Variants in CNIH3 observed in about 807,000 individuals in gnomAD.
CNIH3 encodes the protein protein cornichon homolog 3.
CNIH3 carries 14 observed loss-of-function variants against 24.1 expected under a neutral mutation model. That is an observed-to-expected ratio of 0.58 (90% CI 0.38 to 0.91). The LOEUF is 0.91. CNIH3 is among the 40% of genes least tolerant of loss of function. The pLI is 0.00. For missense variants in CNIH3, 178 were observed against 196.8 expected (o/e 0.90, Z 0.57); for synonymous variants, 68 against 73.8 (o/e 0.92, Z 0.40).
intron 1 of CNIH3, among the ~76,000 whole-genome samples, chr1:224,462,637 ATTT>A (rs34550181): frequency 3.4e-5 from 4 of 119,374 alleles, no homozygotes; most frequent in Admixed American, 2.0e-4. Context: ...TCTGGACCCA[ATTT>A]TTTTTTTTTT....
At chr1:224,714,769 C>T (rs1438956981) in intron 3 of CNIH3, among the ~76,000 whole-genome samples, 1 of 152,200 alleles carries the variant, frequency 6.6e-6, no homozygotes, top group African/African-American at 2.4e-5. Flanking sequence ...CATTATTGAA[C>T]ACCTACGCTA....
At chr1:224,450,045 T>G (rs1464205648) in intron 1 of CNIH3, among the ~76,000 whole-genome samples, 1 of 152,096 alleles carries the variant, frequency 6.6e-6, no homozygotes, top group Non-Finnish European at 1.5e-5. Flanking sequence ...CATATATGTA[T>G]ATATTATTGG....
At chr1:224,550,371 T>C (rs939804668) in intron 3 of CNIH3, among the ~76,000 whole-genome samples, 3 of 152,190 alleles carry the variant, frequency 2.0e-5, no homozygotes, top group African/African-American at 7.2e-5. Flanking sequence ...CTGGATATTA[T>C]AGAAATATCA....
At chr1:224,494,276 CGTGCTATCTA>C (rs1452963781) in intron 1 of CNIH3, among the ~76,000 whole-genome samples, 6 of 152,204 alleles carry the variant, frequency 3.9e-5, no homozygotes, top group African/African-American at 1.4e-4. Context: ...AGCCTCTCAA[CGTGCTATCTA>C]GTCCAAGGGA....
chr1:224,563,968 C>T (rs1425609025), intron 3 of CNIH3, among the ~76,000 whole-genome samples: 1 of 152,114 alleles, frequency 6.6e-6, no homozygotes, highest in Non-Finnish European at 1.5e-5. Context: ...GAATCTTAAA[C>T]AAAATCTATA....
intron 4 of CNIH3, among the ~76,000 whole-genome samples, chr1:224,731,823 G>A (rs1257452647): frequency 6.6e-6 from 1 of 152,242 alleles, no homozygotes; most frequent in Non-Finnish European, 1.5e-5. Context: ...CATGTGCAAA[G>A]GCCCAGAGTT....
intron 3 of CNIH3, among the ~76,000 whole-genome samples, chr1:224,715,819 C>T (rs993656964): frequency 6.6e-6 from 1 of 152,166 alleles, no homozygotes; most frequent in East Asian, 1.9e-4. Flanking sequence ...GGGATCCGCT[C>T]CCATGACCCA....
At chr1:224,709,771 G>C (rs1688033038) in intron 3 of CNIH3, among the ~76,000 whole-genome samples, 1 of 152,140 alleles carries the variant, frequency 6.6e-6, no homozygotes, top group African/African-American at 2.4e-5. Context: ...AAGAGGAAGA[G>C]AAGGGTTCAG....
At chr1:224,653,776 T>C (rs1414977918) in intron 1 of CNIH3, among the ~76,000 whole-genome samples, 3 of 152,228 alleles carry the variant, frequency 2.0e-5, no homozygotes, top group Non-Finnish European at 4.4e-5. Flanking sequence ...GGCCTTAGCC[T>C]CTCTTCCTTT....
chr1:224,481,588 C>T (rs552170941), intron 1 of CNIH3, among the ~76,000 whole-genome samples: 5 of 152,254 alleles, frequency 3.3e-5, no homozygotes, highest in Non-Finnish European at 7.4e-5. Context: ...TCTTCTCTTC[C>T]CTTAAATTCT....
rs1361787603 is a variant in CNIH3 at position 224,474,227 on chromosome 1, G to T, written n.203+39365G>T. On this transcript the variant is annotated intron_variant and non_coding_transcript_variant, in intron 1 of 5. Transcript: ENST00000471578. ...TAAAAATACAAAATTAGCTGGGCATGGTGGTGCATGCCTGTAGTCCCAGCT... is the reference window on the plus strand; with the variant it reads ...TAAAAATACAAAATTAGCTGGGCATTGTGGTGCATGCCTGTAGTCCCAGCT... Among the ~76,000 whole-genome samples the T allele has an allele frequency of 5.9e-5, 9 of 152,080 alleles. No homozygotes were observed. In the East Asian group the frequency reaches 1.7e-3, roughly 29 times the overall value.
Position 224,617,116 on chromosome 1 carries a change from G to T in CNIH3, c.-59G>T. On this transcript the variant is annotated 5_prime_UTR_variant, in exon 1 of 6. Coordinates refer to ENST00000272133, the MANE Select transcript of CNIH3 (RefSeq NM_152495.2). Reference sequence around the variant, plus strand: ...CTTGGAGGGAGTGCGGTCCTCTAGGGAGGCATCGGGCTCCTAGGGGCTTCT... The same window carrying T: ...CTTGGAGGGAGTGCGGTCCTCTAGGTAGGCATCGGGCTCCTAGGGGCTTCT... 6.2e-7 allele frequency: 1 copy of T among 1,601,618 alleles called. No individual in the cohort carries two copies. The highest frequency in any genetic ancestry group is 1.1e-5 in the South Asian group (1 of 88,762).
rs187153996 is a variant in CNIH3, at chr1:224,553,201, T to C, written n.450+6262T>C. On this transcript the variant is annotated intron_variant and non_coding_transcript_variant, in intron 3 of 5. Coordinates refer to the CNIH3 transcript ENST00000471578. Reference sequence around the variant, plus strand: ...ATATCATGAATAATATCACAGGGGGTATACCCCCTGTGATATTAGGAGCAA... The same window carrying C: ...ATATCATGAATAATATCACAGGGGGCATACCCCCTGTGATATTAGGAGCAA... Among the ~76,000 whole-genome samples the C allele has an allele frequency of 5.4e-5, 8 of 149,264 alleles. No individual in the cohort carries two copies. In the East Asian group the frequency reaches 1.2e-3, roughly 22 times the overall value.
chr1:224,563,120 C>A (rs1472588184), intron 3 of CNIH3, among the ~76,000 whole-genome samples: 1 of 152,152 alleles, frequency 6.6e-6, no homozygotes, highest in Non-Finnish European at 1.5e-5. Flanking sequence ...CAAGAATGTT[C>A]ATAGCATCAT....
intron 5 of CNIH3, among the ~76,000 whole-genome samples, chr1:224,737,939 G>A (rs2125251988): frequency 6.6e-6 from 1 of 152,332 alleles, no homozygotes; most frequent in African/African-American, 2.4e-5. Context: ...TGTGAACAGT[G>A]TCTGCTCTGT....
intron 1 of CNIH3, among the ~76,000 whole-genome samples, chr1:224,506,532 G>T (rs1677927208): frequency 6.6e-6 from 1 of 152,210 alleles, no homozygotes; most frequent in Non-Finnish European, 1.5e-5. Flanking sequence ...TTACTCTGTA[G>T]GGCGTGTGCA....
chr1:224,580,534 A>G (rs1178382308), intron 4 of CNIH3, among the ~76,000 whole-genome samples: 2 of 152,330 alleles, frequency 1.3e-5, no homozygotes, highest in African/African-American at 4.8e-5. Flanking sequence ...ATTCTTCTGA[A>G]TCCACATGTT....
chr1:224,705,968 G>T (rs1332174138), intron 3 of CNIH3, among the ~76,000 whole-genome samples: 1 of 148,472 alleles, frequency 6.7e-6, no homozygotes, highest in Non-Finnish European at 1.5e-5. Context: ...GTGTGCTTCT[G>T]GGGGCTCCCC....
chr1:224,676,901 G>A (rs550999655), intron 1 of CNIH3, among the ~76,000 whole-genome samples: 2 of 152,244 alleles, frequency 1.3e-5, no homozygotes, highest in Admixed American at 6.5e-5. Flanking sequence ...CTACCTCCTC[G>A]GGGAAGCTTT....
Sources: gnomAD v4.1 joint callset for allele counts (sites outside exome capture counted in the v4.1 genomes callset) on GRCh38, gnomAD v4.1.1 for gene constraint, MANE v1.5 for transcripts, NCBI Gene and HGNC (gene_info 2026-07-23, HGNC 2026-07-21) for gene names.